SEC22C: variants seen among roughly 807,000 people sequenced by gnomAD.
The protein encoded by SEC22C is SEC22 homolog C, vesicle trafficking protein, also known as vesicle-trafficking protein SEC22c.
In SEC22C, 29 loss-of-function variants were observed where a neutral mutation model predicts 34.7. The observed-to-expected ratio is 0.84, with a 90% CI of 0.62 to 1.14. The LOEUF is 1.14. Ranked by LOEUF, SEC22C falls within the 50% of genes most tolerant of loss-of-function variation. The pLI, the probability that SEC22C is intolerant of heterozygous loss-of-function variation, is 0.00. For missense variants in SEC22C, 337 were observed against 369.0 expected (o/e 0.91, Z 0.71); for synonymous variants, 117 against 132.8 (o/e 0.88, Z 0.82).
At position 42,552,459 on chromosome 3, in the gene SEC22C, C is replaced by A; in HGVS notation, c.*789G>T. The A allele has an allele frequency of 1.0e-6, 1 of 985,030 alleles. No individual in the cohort carries two copies. Among genetic ancestry groups the A allele is most frequent in the Non-Finnish European group, 1.2e-6 (1 of 829,546 alleles). 61.0% of individuals were successfully genotyped at this position (985,030 alleles called of 1,614,324 possible). A position where few individuals can be genotyped will look rare whatever the true frequency, so the allele number is the denominator to read the frequency against. On this transcript the variant is annotated 3_prime_UTR_variant, in exon 7 of 7. Coordinates refer to ENST00000264454, the MANE Select transcript of SEC22C (RefSeq NM_032970.4). ...CAATTGTAAGTAATCCTGAAATTCT[C>A]ATTTCTGCTCATGCTGACAAACTTA...
At chr3:42,590,964 C>T (rs1187913934) in intron 1 of SEC22C, 2 of 266,584 alleles carry the variant, frequency 7.5e-6, no homozygotes, top group African/African-American at 4.3e-5. Flanking sequence ...GACTATCCAG[C>T]GGGTGAGCAT....
chr3:42,596,022 GTTTTGT>G (rs1377053224), intron 1 of SEC22C, among the ~76,000 whole-genome samples: 93 of 151,596 alleles, frequency 6.1e-4, no homozygotes, highest in African/African-American at 2.1e-3. Flanking sequence ...GTTTTGTTTT[GTTTTGT>G]TTTTGTTTTT....
intron 1 of SEC22C, chr3:42,590,705 G>GA (rs1704790958): frequency 6.1e-6 from 4 of 652,504 alleles, no homozygotes; most frequent in South Asian, 5.4e-5. Flanking sequence ...CAAAGGATAC[G>GA]AAAACGCCCC....
intron 1 of SEC22C, among the ~76,000 whole-genome samples, chr3:42,598,966 G>C (rs572172729): frequency 7.6e-4 from 114 of 150,518 alleles, no homozygotes; most frequent in Admixed American, 3.3e-4. Context: ...TAGATCTATA[G>C]ATAGATTTTT....
intron 1 of SEC22C, among the ~76,000 whole-genome samples, chr3:42,589,494 T>C (rs937367242): frequency 2.0e-5 from 3 of 152,114 alleles, no homozygotes; most frequent in African/African-American, 7.2e-5. Flanking sequence ...CGAATCTTGT[T>C]ACCACATCCA....
At chr3:42,558,603 A>G (rs1702689211) in intron 4 of SEC22C, among the ~76,000 whole-genome samples, 2 of 151,976 alleles carry the variant, frequency 1.3e-5, no homozygotes, top group Admixed American at 1.3e-4. Flanking sequence ...CCTGGGCAAC[A>G]TGGTGAAACC....
At position 42,550,097 on chromosome 3, in the gene SEC22C, GGGCTCT is replaced by G. The variant is rs1390974143; in HGVS notation, c.*3145_*3150del. ...CATATTAGGGAAGGGGAAACCTTTTGGGCTCTGGCCCCGTGGTTGGGAAACCCTTCC... is the reference window on the plus strand; with the variant it reads ...CATATTAGGGAAGGGGAAACCTTTTGGGCCCCGTGGTTGGGAAACCCTTCC... On this transcript the variant is annotated 3_prime_UTR_variant, in exon 7 of 7. Coordinates refer to ENST00000264454, the MANE Select transcript of SEC22C (RefSeq NM_032970.4). 1.0e-6 allele frequency: 1 copy of G among 985,368 alleles called. No homozygotes were observed. Among genetic ancestry groups the G allele is most frequent in the African/African-American group, 1.7e-5 (1 of 57,228 alleles). The allele number at this position is 985,368 out of a possible 1,614,324, so 61.0% of individuals were successfully genotyped here. A position where few individuals can be genotyped will look rare whatever the true frequency, so the allele number is the denominator to read the frequency against.
At chr3:42,583,158 T>C (rs866431191), upstream of SEC22C, among the ~76,000 whole-genome samples, 1 of 152,186 alleles carries the variant, frequency 6.6e-6, no homozygotes, top group Non-Finnish European at 1.5e-5. Flanking sequence ...CTGGTCAAAA[T>C]TGCATTTTAT....
intron 1 of SEC22C, among the ~76,000 whole-genome samples, chr3:42,595,684 T>A (rs1336550215): frequency 6.6e-6 from 1 of 152,256 alleles, no homozygotes; most frequent in Non-Finnish European, 1.5e-5. Context: ...ATCTGAAAGA[T>A]GAGGCAAAGG....
rs761986697 is a variant in SEC22C, at chr3:42,548,330, G to C, written c.*4918C>G. 2.5e-6 allele frequency: 1 copy of C among 402,214 alleles called. No homozygotes were observed. The highest frequency in any genetic ancestry group is 3.7e-5 in the Admixed American group (1 of 26,690). 24.9% of individuals were successfully genotyped at this position (402,214 alleles called of 1,614,324 possible). A position where few individuals can be genotyped will look rare whatever the true frequency, so the allele number is the denominator to read the frequency against. On this transcript the variant is annotated 3_prime_UTR_variant, in exon 7 of 7. Coordinates refer to ENST00000264454, the MANE Select transcript of SEC22C (RefSeq NM_032970.4). Reference sequence around the variant, plus strand: ...AAATAACACTTCTGAAGCAACCCCAGAATCATATAAATGTAAGGGTTAAAG... The same window carrying C: ...AAATAACACTTCTGAAGCAACCCCACAATCATATAAATGTAAGGGTTAAAG...
intron 1 of SEC22C, among the ~76,000 whole-genome samples, chr3:42,570,550 C>A (rs1468090990): frequency 6.6e-6 from 1 of 152,136 alleles, no homozygotes; most frequent in Non-Finnish European, 1.5e-5. Context: ...CCTACACAGT[C>A]CATTTGACCC....
chr3:42,558,593 C>A (rs1702688294), intron 4 of SEC22C, among the ~76,000 whole-genome samples: 1 of 151,492 alleles, frequency 6.6e-6, no homozygotes, highest in Non-Finnish European at 1.5e-5. Flanking sequence ...TCAAGACCAG[C>A]CTGGGCAACA....
At chr3:42,562,190 C>T (rs556831144) in intron 3 of SEC22C, among the ~76,000 whole-genome samples, 1 of 152,214 alleles carries the variant, frequency 6.6e-6, no homozygotes, top group Non-Finnish European at 1.5e-5. Flanking sequence ...TGTACTTTGA[C>T]TCATTCTACT....
upstream of SEC22C, among the ~76,000 whole-genome samples, chr3:42,583,609 T>C (rs1227452608): frequency 6.6e-6 from 1 of 152,166 alleles, no homozygotes; most frequent in Non-Finnish European, 1.5e-5. Context: ...CTCAGGTAGC[T>C]GGGGGAACAT....
At chr3:42,572,684 TA>T (rs1332970900) in intron 1 of SEC22C, among the ~76,000 whole-genome samples, 1 of 152,182 alleles carries the variant, frequency 6.6e-6, no homozygotes, top group Non-Finnish European at 1.5e-5. Flanking sequence ...AAGGGCCAGC[TA>T]AAACAGAAGA....
At position 42,548,855 on chromosome 3, in the gene SEC22C, T is replaced by C; in HGVS notation, c.*4393A>G. The C allele has an allele frequency of 7.1e-7, 1 of 1,398,714 alleles. No individual in the cohort carries two copies. Among genetic ancestry groups the C allele is most frequent in the Non-Finnish European group, 9.3e-7 (1 of 1,076,464 alleles). The allele number at this position is 1,398,714 out of a possible 1,614,324, so 86.6% of individuals were successfully genotyped here. On this transcript the variant is annotated 3_prime_UTR_variant, in exon 7 of 7. Coordinates refer to ENST00000264454, the MANE Select transcript of SEC22C (RefSeq NM_032970.4). ...GCTGCCTGAAGCAGAAAAACCTTCA[T>C]GTACCAGGTGAATGTAAAGCCTTTC...
At chr3:42,592,699 CCTT>C (rs971944471) in intron 1 of SEC22C, among the ~76,000 whole-genome samples, 2 of 152,122 alleles carry the variant, frequency 1.3e-5, no homozygotes, top group African/African-American at 4.8e-5. Flanking sequence ...ATGGTAAATA[CCTT>C]CTCCTTTTTC....
At chr3:42,582,800 C>A (rs1285087036), upstream of SEC22C, among the ~76,000 whole-genome samples, 2 of 152,062 alleles carry the variant, frequency 1.3e-5, no homozygotes. Flanking sequence ...GAGAGATTAG[C>A]ATGTATATAA....
chr3:42,593,871 G>T (rs558934765), intron 1 of SEC22C, among the ~76,000 whole-genome samples: 1 of 152,298 alleles, frequency 6.6e-6, no homozygotes, highest in South Asian at 2.1e-4. Flanking sequence ...GTAAGACAGA[G>T]AAAGCATCAG....
Sources: gnomAD v4.1 joint callset for allele counts (sites outside exome capture counted in the v4.1 genomes callset) on GRCh38, gnomAD v4.1.1 for gene constraint, MANE v1.5 for transcripts, NCBI Gene and HGNC (gene_info 2026-07-23, HGNC 2026-07-21) for gene names.